Variants in MED13L observed in about 807,000 individuals in gnomAD.
The protein encoded by MED13L is mediator complex subunit 13L.
MED13L carries 7 observed loss-of-function variants against 220.9 expected under a neutral mutation model. That is an observed-to-expected ratio of 0.03 (90% confidence interval 0.02 to 0.06). MED13L has a LOEUF of 0.06. Among genes scored for constraint, MED13L ranks in the 10% least tolerant of loss-of-function variants. The probability of loss-of-function intolerance (pLI) is 1.00; values close to 1 mark genes in which losing one functional copy is unlikely to be tolerated. For synonymous variants in MED13L, 1,011 were observed against 1,015.2 expected (o/e 1.00, Z 0.08); for missense variants, 1,965 against 2,760.5 (o/e 0.71, Z 6.46).
intron 1 of MED13L, among the ~76,000 whole-genome samples, chr12:116,256,480 A>G (rs567113994): frequency 5.4e-4 from 82 of 152,254 alleles, no homozygotes; most frequent in African/African-American, 1.9e-3. Context: ...AAGGACATGT[A>G]TGAACTTTTT....
intron 1 of MED13L, among the ~76,000 whole-genome samples, chr12:116,249,881 A>AC (rs1299669226): frequency 1.3e-5 from 2 of 151,610 alleles, no homozygotes; most frequent in African/African-American, 4.8e-5. Flanking sequence ...AGGCAATCTA[A>AC]CATACACGCC....
chr12:116,168,616 C>T (rs1879457697), intron 2 of MED13L, among the ~76,000 whole-genome samples: 1 of 152,112 alleles, frequency 6.6e-6, no homozygotes, highest in Non-Finnish European at 1.5e-5. Flanking sequence ...AAAAATATAA[C>T]CACCCCACTG....
chr12:116,157,427 C>T lies in MED13L; in HGVS notation c.311-45915G>A, dbSNP rs59453756. ...TATCTGAAAAACAGAACAAATTACA[C>T]GAATCCTTCAGCACTCCAGCCTTTG... On this transcript the variant is annotated intron_variant, in intron 2 of 30. Coordinates refer to ENST00000281928, the MANE Select transcript of MED13L (RefSeq NM_015335.5). Among the ~76,000 whole-genome samples, 1,139 of 152,250 alleles carry T rather than the reference C, an allele frequency of 7.5e-3. 12 individuals carry two copies. The highest frequency in any genetic ancestry group is 0.025 in the African/African-American group (1,033 of 41,542).
At chr12:116,018,500 A>C (rs1879864336) in intron 7 of MED13L, among the ~76,000 whole-genome samples, 1 of 152,230 alleles carries the variant, frequency 6.6e-6, no homozygotes, top group Non-Finnish European at 1.5e-5. Context: ...GCTTATAAAT[A>C]AATAATCTCA....
chr12:116,002,490 C>CA (rs895646214), intron 14 of MED13L, among the ~76,000 whole-genome samples: 11 of 150,914 alleles, frequency 7.3e-5, no homozygotes, highest in African/African-American at 1.2e-4. Flanking sequence ...AGAATATACT[C>CA]AAAAAAAAGA....
chr12:116,270,741 T>C (rs544944833), intron 1 of MED13L, among the ~76,000 whole-genome samples: 72 of 151,996 alleles, frequency 4.7e-4, no homozygotes, highest in African/African-American at 1.6e-3. Context: ...AAAGTATATA[T>C]ACTATAAAAG....
At chr12:115,971,691 C>G (rs1396717175) in intron 26 of MED13L, among the ~76,000 whole-genome samples, 1 of 152,198 alleles carries the variant, frequency 6.6e-6, no homozygotes, top group Non-Finnish European at 1.5e-5. Flanking sequence ...CCCTTCGAGG[C>G]TGCTGAGAGA....
At chr12:116,003,921 G>C (rs1317949371) in intron 13 of MED13L, among the ~76,000 whole-genome samples, 1 of 152,124 alleles carries the variant, frequency 6.6e-6, no homozygotes, top group Non-Finnish European at 1.5e-5. Flanking sequence ...GTGATTAAAT[G>C]CCAGACTAAA....
At chr12:116,102,710 CTTTTTTTTTTTTTTT>C (rs869201518) in intron 3 of MED13L, among the ~76,000 whole-genome samples, 192 of 68,690 alleles carry the variant, frequency 2.8e-3, no homozygotes, top group African/African-American at 9.1e-3. Context: ...TTTCTTTTTT[CTTTTTTTTTTTTTTT>C]TTTTTTTTTT....
chr12:116,260,828 T>C (rs557865359), intron 1 of MED13L, among the ~76,000 whole-genome samples: 6 of 152,204 alleles, frequency 3.9e-5, no homozygotes, highest in African/African-American at 1.4e-4. Context: ...AACAAAACCT[T>C]CATGTAAAAA....
chr12:116,258,043 A>G (rs1299749540), intron 1 of MED13L, among the ~76,000 whole-genome samples: 1 of 152,190 alleles, frequency 6.6e-6, no homozygotes, highest in Non-Finnish European at 1.5e-5. Flanking sequence ...CTACCTTAGC[A>G]CTTGTACTAA....
intron 4 of MED13L, among the ~76,000 whole-genome samples, chr12:116,051,623 T>C (rs1300011403): frequency 6.6e-6 from 1 of 152,230 alleles, no homozygotes; most frequent in Non-Finnish European, 1.5e-5. Flanking sequence ...TAAGATATAT[T>C]GGGAATGAGA....
Position 115,959,928 on chromosome 12 carries a change from G to C in MED13L, c.*1338C>G, listed in dbSNP as rs1333733426. 6.6e-6 allele frequency: 1 copy of C among 152,506 alleles called. No individual in the cohort carries two copies. Among genetic ancestry groups the C allele is most frequent in the Admixed American group, 6.6e-5 (1 of 15,258 alleles). The allele number at this position is 152,506 out of a possible 1,614,324, so 9.4% of individuals were successfully genotyped here. The stretch of plus-strand genomic sequence containing the variant: ...ACAGATGACAAGAGCTCAAAGGCCT[G>C]GTCACAGTGGCTCCCGGGAGGCCAG... On this transcript the variant is annotated 3_prime_UTR_variant, in exon 31 of 31. Coordinates refer to ENST00000281928, the MANE Select transcript of MED13L (RefSeq NM_015335.5).
chr12:115,984,194 C>T lies in MED13L; in HGVS notation c.4517G>A (p.Cys1506Tyr). The T allele has an allele frequency of 6.2e-7, 1 of 1,613,842 alleles. No individual in the cohort carries two copies. Among genetic ancestry groups the T allele is most frequent in the South Asian group, 1.1e-5 (1 of 91,036 alleles). The change falls in exon 20 of 31, where the codon TGC becomes TAC. Residue 1506 changes from cysteine to tyrosine, a missense_variant. Cys to Tyr is a radical substitution (Grantham distance 194, BLOSUM62 -2). Coordinates refer to ENST00000281928, the MANE Select transcript of MED13L (RefSeq NM_015335.5). ...TTCCCATTTACCTAGGTGATGGCGGCAAACTTGCGCATAAAGTTTGAGTCT... is the reference window on the plus strand; with the variant it reads ...TTCCCATTTACCTAGGTGATGGCGGTAAACTTGCGCATAAAGTTTGAGTCT... ...HSRLKLYAQV[C>Y]RHHLAPYLAT... is the part of the protein sequence containing the mutation.
chr12:115,982,610 A>T lies in MED13L; in HGVS notation c.4956-7T>A. ...TCTCTCCCTTTCTGTAACACTGGAG[A>T]GAGAGTCACTTGTGAGATGCACAAA... On this transcript the variant is annotated splice_polypyrimidine_tract_variant and splice_region_variant and intron_variant, in intron 21 of 30. Transcript: ENST00000281928. The T allele has an allele frequency of 3.1e-6, 5 of 1,607,354 alleles. No individual in the cohort carries two copies. Among genetic ancestry groups the T allele is most frequent in the Non-Finnish European group, 4.3e-6 (5 of 1,173,984 alleles).
intron 1 of MED13L, among the ~76,000 whole-genome samples, chr12:116,259,414 C>A (rs1026942763): frequency 2.0e-5 from 3 of 151,810 alleles, no homozygotes; most frequent in Non-Finnish European, 4.4e-5. Flanking sequence ...CAAAAGAATA[C>A]GATTCAATAT....
At chr12:116,190,235 A>C (rs1881180227) in intron 2 of MED13L, among the ~76,000 whole-genome samples, 1 of 152,190 alleles carries the variant, frequency 6.6e-6, no homozygotes, top group Non-Finnish European at 1.5e-5. Context: ...AAGTTTATCA[A>C]GTTCTCCCAC....
intron 2 of MED13L, among the ~76,000 whole-genome samples, chr12:116,113,813 G>A (rs1387969744): frequency 1.5e-5 from 1 of 67,304 alleles, no homozygotes; most frequent in Non-Finnish European, 2.9e-5. Context: ...GGGAGGGAGG[G>A]GGGAAGAGGG....
chr12:116,162,788 G>A (rs573960263), intron 2 of MED13L, among the ~76,000 whole-genome samples: 1 of 152,192 alleles, frequency 6.6e-6, no homozygotes, highest in East Asian at 1.9e-4. Flanking sequence ...ATACTTTTAT[G>A]TCAAGTGACT....
Sources: allele counts gnomAD v4.1 joint callset (sites outside exome capture counted in the v4.1 genomes callset), GRCh38; gene constraint gnomAD v4.1.1; transcripts MANE v1.5; gene names NCBI Gene and HGNC (gene_info 2026-07-23, HGNC 2026-07-21).